LRP1B: variants seen among roughly 807,000 people sequenced by gnomAD.
LRP1B encodes the protein low-density lipoprotein receptor-related protein 1B.
Under a neutral mutation model 556.6 loss-of-function variants are expected in LRP1B, and 217 were observed. The observed-to-expected ratio is 0.39, with a 90% CI of 0.35 to 0.44. LRP1B has a LOEUF of 0.44. LRP1B is among the 20% of genes least tolerant of loss of function. LRP1B has a pLI of 1.00. For missense variants in LRP1B, 5,053 were observed against 5,620.8 expected (o/e 0.90, Z 3.23); for synonymous variants, 2,047 against 1,865.8 (o/e 1.10, Z -2.50).
chr2:141,885,761 C>T (rs183795232), intron 1 of LRP1B, among the ~76,000 whole-genome samples: 18 of 152,244 alleles, frequency 1.2e-4, no homozygotes, highest in Admixed American at 6.5e-4. Context: ...TCTACTTTCC[C>T]AGTTCATTGG....
chr2:141,285,983 C>T (rs868286513), intron 3 of LRP1B, among the ~76,000 whole-genome samples: 7 of 136,590 alleles, frequency 5.1e-5, no homozygotes, highest in African/African-American at 1.4e-4. Context: ...AGGAGAATGG[C>T]GTGAACCCGG....
At chr2:141,945,360 C>A (rs1700922772) in intron 1 of LRP1B, among the ~76,000 whole-genome samples, 1 of 152,180 alleles carries the variant, frequency 6.6e-6, no homozygotes, top group East Asian at 1.9e-4. Flanking sequence ...ACATATTGTA[C>A]ACATAGAGAA....
At chr2:141,512,394 G>A (rs757222595) in intron 2 of LRP1B, among the ~76,000 whole-genome samples, 12 of 152,056 alleles carry the variant, frequency 7.9e-5, no homozygotes, top group South Asian at 2.1e-4. Flanking sequence ...TCCCAAAAGC[G>A]TGAGCAGACC....
chr2:140,733,994 G>A (rs1019890110), intron 35 of LRP1B, among the ~76,000 whole-genome samples: 2 of 152,136 alleles, frequency 1.3e-5, no homozygotes, highest in Non-Finnish European at 2.9e-5. Context: ...GAATACTCCT[G>A]CTTAACCTCA....
chr2:141,338,828 A>C (rs1165160632), intron 3 of LRP1B, among the ~76,000 whole-genome samples: 1 of 152,128 alleles, frequency 6.6e-6, no homozygotes, highest in Non-Finnish European at 1.5e-5. Flanking sequence ...AAGAACCCAA[A>C]GCTCTTCCTT....
At chr2:141,361,765 C>T (rs559133236) in intron 3 of LRP1B, among the ~76,000 whole-genome samples, 3 of 152,252 alleles carry the variant, frequency 2.0e-5, no homozygotes, top group South Asian at 4.2e-4. Context: ...GCTGTTCAGT[C>T]CTTCAGAAAA....
At chr2:140,605,888 G>A (rs1475511582) in intron 41 of LRP1B, among the ~76,000 whole-genome samples, 5 of 151,946 alleles carry the variant, frequency 3.3e-5, no homozygotes, top group African/African-American at 7.2e-5. Flanking sequence ...CCCGAGGCTC[G>A]TATTATATTT....
chr2:141,403,827 G>T (rs1366783408), intron 3 of LRP1B, among the ~76,000 whole-genome samples: 1 of 152,098 alleles, frequency 6.6e-6, no homozygotes, highest in East Asian at 1.9e-4. Context: ...TATCTCACAT[G>T]TATGTATAGA....
intron 57 of LRP1B, among the ~76,000 whole-genome samples, chr2:140,489,504 G>A (rs1191698225): frequency 6.6e-6 from 1 of 152,038 alleles, no homozygotes; most frequent in Non-Finnish European, 1.5e-5. Flanking sequence ...CTAAAAACTG[G>A]AGAACTCCTT....
At chr2:140,896,159 G>A (rs1389860921) in intron 23 of LRP1B, among the ~76,000 whole-genome samples, 1 of 151,178 alleles carries the variant, frequency 6.6e-6, no homozygotes, top group African/African-American at 2.4e-5. Context: ...TTCAGAGAAG[G>A]GTGATTAATA....
At chr2:141,373,038 G>A (rs1428909471) in intron 3 of LRP1B, among the ~76,000 whole-genome samples, 3 of 151,832 alleles carry the variant, frequency 2.0e-5, no homozygotes, top group Non-Finnish European at 4.4e-5. Flanking sequence ...AGTATGTTGT[G>A]TTTTCATTTT....
chr2:141,802,449 AAAACAAAC>A lies in LRP1B; in HGVS notation c.205+7822_205+7829del, dbSNP rs751889535. On this transcript the variant is annotated intron_variant, in intron 2 of 90. Coordinates refer to ENST00000389484, the MANE Select transcript of LRP1B (RefSeq NM_018557.3). ...AAGCTAATGTTATGAAGTTTTTAGA[AAAACAAAC>A]AAACAAACAAACAAACAAAACCCAA... 7.9e-5 allele frequency among the ~76,000 whole-genome samples: 12 copies of A among 152,208 alleles called. No individual in the cohort carries two copies. The South Asian group carries it at 1.2e-3, about 16-fold the overall frequency.
chr2:140,380,545 A>T (rs1414208764), intron 67 of LRP1B, among the ~76,000 whole-genome samples: 1 of 152,234 alleles, frequency 6.6e-6, no homozygotes, highest in Non-Finnish European at 1.5e-5. Flanking sequence ...GGAAAATAAC[A>T]GCCCAAAATT....
chr2:141,735,144 TTTTGTTTGTTTGTTTG>T (rs56164987), intron 2 of LRP1B, among the ~76,000 whole-genome samples: 11 of 150,284 alleles, frequency 7.3e-5, no homozygotes, highest in Non-Finnish European at 1.5e-4. Flanking sequence ...TCATTTTGTT[TTTTGTTTGTTTGTTTG>T]TTTGTTTGTT....
chr2:140,903,080 T>C lies in LRP1B; in HGVS notation c.3606A>G (p.Gly1202=). 6.2e-7 allele frequency: 1 copy of C among 1,613,592 alleles called. No homozygotes were observed. The highest frequency in any genetic ancestry group is 8.5e-7 in the Non-Finnish European group (1 of 1,179,718). Residue 1202 remains glycine, a synonymous_variant, in exon 23 of 91, where the codon GGA becomes GGG. Coordinates refer to ENST00000389484, the MANE Select transcript of LRP1B (RefSeq NM_018557.3). ...GRGIVCSCPE[G]LQLNKDNKTC... is the part of the protein sequence containing the mutation. ...TTTTATTGTCTTTGTTGAGTTGAAGTCCTTCAGGGCAGGAACAGACAATTC... is the reference window on the plus strand; with the variant it reads ...TTTTATTGTCTTTGTTGAGTTGAAGCCCTTCAGGGCAGGAACAGACAATTC...
At chr2:141,495,788 A>G (rs2105122146) in intron 2 of LRP1B, among the ~76,000 whole-genome samples, 1 of 152,244 alleles carries the variant, frequency 6.6e-6, no homozygotes, top group Non-Finnish European at 1.5e-5. Flanking sequence ...TATAAGCAAC[A>G]AATATATAAA....
chr2:141,757,518 A>G (rs1005153078), intron 2 of LRP1B, among the ~76,000 whole-genome samples: 2 of 152,158 alleles, frequency 1.3e-5, no homozygotes, highest in East Asian at 3.9e-4. Flanking sequence ...ATAAGTGCAT[A>G]AGCTTTTGTG....
chr2:140,553,180 T>C (rs1680608435), intron 43 of LRP1B, among the ~76,000 whole-genome samples: 1 of 152,078 alleles, frequency 6.6e-6, no homozygotes, highest in African/African-American at 2.4e-5. Flanking sequence ...CTGGGTATGA[T>C]AGAATGTTAC....
chr2:140,964,322 C>T (rs1414720614), intron 18 of LRP1B, among the ~76,000 whole-genome samples: 1 of 152,134 alleles, frequency 6.6e-6, no homozygotes. Context: ...GACAGGCCTC[C>T]GGATAACTGC....
Sources: gnomAD v4.1 joint callset for allele counts (sites outside exome capture counted in the v4.1 genomes callset) on GRCh38, gnomAD v4.1.1 for gene constraint, MANE v1.5 for transcripts, NCBI Gene and HGNC (gene_info 2026-07-23, HGNC 2026-07-21) for gene names.